The following N4BP2 variants were observed in gnomAD, a reference collection of about 807,000 sequenced individuals.
N4BP2 encodes NEDD4 binding protein 2, also known as NEDD4-binding protein 2.
In N4BP2, 91 loss-of-function variants were observed where a neutral mutation model predicts 152.8. The ratio of observed to expected loss-of-function variants is 0.60; its 90% CI spans 0.50 to 0.71. The LOEUF is 0.71. Among genes scored for constraint, N4BP2 ranks in the 30% least tolerant of loss-of-function variants. N4BP2 has a pLI of 0.00. For missense variants in N4BP2, 1,923 were observed against 2,059.1 expected (o/e 0.93, Z 1.28); for synonymous variants, 646 against 705.3 (o/e 0.92, Z 1.33).
chr4:40,075,251 A>T (rs1040117555), intron 2 of N4BP2, among the ~76,000 whole-genome samples: 2 of 152,222 alleles, frequency 1.3e-5, no homozygotes, highest in African/African-American at 4.8e-5. Context: ...CAAGACTAGT[A>T]CTGCAATAAG....
At chr4:40,105,031 T>C (rs913263928) in intron 4 of N4BP2, among the ~76,000 whole-genome samples, 69 of 152,220 alleles carry the variant, frequency 4.5e-4, no homozygotes, top group East Asian at 9.7e-4. Flanking sequence ...CTTGATCTCC[T>C]GACCTTGTGA....
chr4:40,136,380 A>ATCT (rs1332597434), intron 13 of N4BP2, among the ~76,000 whole-genome samples: 1 of 77,018 alleles, frequency 1.3e-5, no homozygotes, highest in African/African-American at 4.0e-5. Flanking sequence ...CTATCTATCT[A>ATCT]TCTATCTATC....
chr4:40,107,174 A>G (rs1579042179), intron 5 of N4BP2, 150 bp downstream of exon 5: 1 of 722,742 alleles, frequency 1.4e-6, no homozygotes. Context: ...ATCTTGGCTC[A>G]CTGCAGCCTT....
Position 40,154,313 on chromosome 4 carries a change from C to A in N4BP2, c.*76C>A. The A allele has an allele frequency of 1.1e-6, 1 of 893,800 alleles. No homozygotes were observed. The highest frequency in any genetic ancestry group is 1.7e-6 in the Non-Finnish European group (1 of 572,738). The allele number at this position is 893,800 out of a possible 1,614,324, so 55.4% of individuals were successfully genotyped here. A position where few individuals can be genotyped will look rare whatever the true frequency, so the allele number is the denominator to read the frequency against. On this transcript the variant is annotated 3_prime_UTR_variant, in exon 18 of 18. Transcript: ENST00000261435. ...TTTATTTGCAGTAATTCAGTCAATTCTACCCTAAAGATGTGTTTTATTATA... is the reference window on the plus strand; with the variant it reads ...TTTATTTGCAGTAATTCAGTCAATTATACCCTAAAGATGTGTTTTATTATA...
chr4:40,090,759 C>T lies in N4BP2; in HGVS notation c.-114-6468C>T, dbSNP rs1019044658. On this transcript the variant is annotated intron_variant, in intron 2 of 17. Transcript: ENST00000261435. ...ACCAGCCTGGTCAACATGGTGAAAC[C>T]CCATCTCTACTAAAAATACAAAAAT... Among the ~76,000 whole-genome samples, 4 of 151,750 alleles carry T rather than the reference C, an allele frequency of 2.6e-5. No homozygotes were observed. The South Asian group carries it at 8.3e-4, about 32-fold the overall frequency.
intron 1 of N4BP2, among the ~76,000 whole-genome samples, chr4:40,064,291 T>C (rs1733871755): frequency 6.6e-6 from 1 of 152,180 alleles, no homozygotes; most frequent in Non-Finnish European, 1.5e-5. Context: ...ATTGATTTAT[T>C]TGAGACAGAG....
At chr4:40,132,016 CA>C in intron 13 of N4BP2, 97 bp downstream of exon 13, 1 of 831,076 alleles carries the variant, frequency 1.2e-6, no homozygotes, top group Non-Finnish European at 2.0e-6. Context: ...TGTAAGTCTA[CA>C]GTAGTCTCTC....
chr4:40,126,319 A>T lies in N4BP2; in HGVS notation c.4516A>T (p.Lys1506Ter), dbSNP rs963926834. 2 of 1,514,792 alleles carry T rather than the reference A, an allele frequency of 1.3e-6. No homozygotes were observed. The highest frequency in any genetic ancestry group is 2.8e-5 in the African/African-American group (2 of 71,286). 93.8% of individuals were successfully genotyped at this position (1,514,792 alleles called of 1,614,324 possible). The change falls in exon 12 of 18, where the codon AAA becomes TAA. Residue 1506 changes from lysine (K) to a stop codon, truncating the protein, a stop_gained. Transcript: ENST00000261435. LOFTEE classifies it high-confidence loss of function. The part of the protein sequence containing the change: ...IMSEEIALQE[K>*]HNLKRETLMF... ...GTCAGAAGAAATTGCCTTACAGGAA[A>T]AACATAATTTGGTATGAATTAATAT...
At chr4:40,137,224 CTTATAA>C (rs1719489406) in intron 14 of N4BP2, 142 bp downstream of exon 14, 3 of 680,706 alleles carry the variant, frequency 4.4e-6, no homozygotes, top group Admixed American at 6.4e-5. Context: ...GCATATTTGG[CTTATAA>C]TATCTGTGCA....
intron 5 of N4BP2, among the ~76,000 whole-genome samples, chr4:40,111,856 T>C (rs561434408): frequency 9.1e-4 from 139 of 152,310 alleles, no homozygotes; most frequent in African/African-American, 3.2e-3. Context: ...CCTCAAGTGG[T>C]CTGCCCGCTT....
intron 2 of N4BP2, among the ~76,000 whole-genome samples, chr4:40,089,658 AAC>A (rs1201395842): frequency 6.6e-6 from 1 of 151,854 alleles, no homozygotes; most frequent in African/African-American, 2.4e-5. Context: ...GCTGGTCTTG[AAC>A]TCTTGAGCTC....
chr4:40,120,170 G>C lies in N4BP2; in HGVS notation c.2059G>C (p.Asp687His), dbSNP rs747997505. Residue 687 changes from aspartate to histidine, a missense_variant, in exon 9 of 18, where the codon GAC becomes CAC. Physicochemically the swap from Asp to His is moderately conservative, Grantham distance 81 (BLOSUM62 -1). Transcript: ENST00000261435. ...GGAAACTCCACACATGTATTTTTCT[G>C]ACTCTGAAAGCAAACTACAGGCAAC... ...ILETPHMYFSDSESKLQATDK... is the reference protein window; with the variant it reads ...ILETPHMYFSHSESKLQATDK... The C allele has an allele frequency of 3.7e-6, 6 of 1,613,136 alleles. No individual in the cohort carries two copies. In the African/African-American group the frequency reaches 8.0e-5, roughly 22 times the overall value.
chr4:40,126,176 A>G lies in N4BP2; in HGVS notation c.4373A>G (p.Gln1458Arg). 6.2e-7 allele frequency: 1 copy of G among 1,606,924 alleles called. No homozygotes were observed. The highest frequency in any genetic ancestry group is 8.5e-7 in the Non-Finnish European group (1 of 1,177,784). Residue 1458 changes from glutamine (Q) to arginine (R), a missense_variant, in exon 12 of 18, where the codon CAA (glutamine) becomes CGA (arginine). Gln to Arg is a conservative substitution (Grantham distance 43). Coordinates refer to ENST00000261435, the MANE Select transcript of N4BP2 (RefSeq NM_018177.6). The part of the protein sequence containing the change: ...VGHTGLDNPE[Q>R]KSSQRTGKKL... ...CATACTGGGCTTGATAATCCTGAAC[A>G]AAAATCATCTCAGAGAACAGGCAAA...
Position 40,097,561 on chromosome 4 carries a change from A to G in N4BP2, c.221A>G (p.Asp74Gly). The G allele has an allele frequency of 6.2e-7, 1 of 1,608,024 alleles. No individual in the cohort carries two copies. Among genetic ancestry groups the G allele is most frequent in the Non-Finnish European group, 8.5e-7 (1 of 1,174,802 alleles). Residue 74 changes from aspartate to glycine, a missense_variant, in exon 3 of 18, where the codon GAT (aspartate) becomes GGT (glycine). Coordinates refer to ENST00000261435, the MANE Select transcript of N4BP2 (RefSeq NM_018177.6). ...DVVYLMLSEC[D>G]FKVENAMDCL... ...GTGTATTTGATGCTTTCTGAATGTG[A>G]TTTCAAAGGTGAGAAAAAGTTTAGT...
At chr4:40,136,863 G>C in intron 13 of N4BP2, 81 bp from the exon 14 acceptor site, 1 of 1,035,528 alleles carries the variant, frequency 9.7e-7, no homozygotes, top group South Asian at 1.9e-5. Context: ...CTTGTAAGAT[G>C]TTTGAAGATT....
At chr4:40,180,443 CA>C in the N4BP2 span, among the ~76,000 whole-genome samples, 2 of 152,206 alleles carry the variant, frequency 1.3e-5, no homozygotes, top group African/African-American at 4.8e-5. Context: ...GATAGTTAGT[CA>C]CTCTCATACA....
Position 40,120,199 on chromosome 4 carries a change from C to T in N4BP2, c.2088C>T (p.Asp696=). 2 of 1,613,638 alleles carry T rather than the reference C, an allele frequency of 1.2e-6. No individual in the cohort carries two copies. The highest frequency in any genetic ancestry group is 1.7e-6 in the Non-Finnish European group (2 of 1,179,946). The change falls in exon 9 of 18, where the codon GAC becomes GAT. Residue 696 remains aspartate (D), a synonymous_variant. Coordinates refer to ENST00000261435, the MANE Select transcript of N4BP2 (RefSeq NM_018177.6). ...CTGAAAGCAAACTACAGGCAACAGA[C>T]AAAAGTGAAAACGAGCAAATAGAAA... ...SDSESKLQAT[D]KSENEQIEMV... is the part of the protein sequence containing the mutation.
In N4BP2 at chr4:40,120,985, T is replaced by C; in HGVS notation, c.2874T>C (p.Cys958=). Residue 958 remains cysteine, a synonymous_variant, in exon 9 of 18, where the codon TGT becomes TGC. Coordinates refer to ENST00000261435, the MANE Select transcript of N4BP2 (RefSeq NM_018177.6). ...AAATGCTGCTCAGTGAAATGACCTGTGAGAGTCAGACTTGTCTAAGTAAAA... is the reference window on the plus strand; with the variant it reads ...AAATGCTGCTCAGTGAAATGACCTGCGAGAGTCAGACTTGTCTAAGTAAAA... ...SSEMLLSEMT[C]ESQTCLSKKS... is the part of the protein sequence containing the mutation. 6.2e-7 allele frequency: 1 copy of C among 1,614,138 alleles called. No homozygotes were observed. The highest frequency in any genetic ancestry group is 8.5e-7 in the Non-Finnish European group (1 of 1,180,028).
At chr4:40,171,583 A>AAG in the N4BP2 span, among the ~76,000 whole-genome samples, 2,897 of 152,272 alleles carry the variant, frequency 0.019, 88 homozygotes, top group African/African-American at 0.065. Flanking sequence ...AATTGGAGGT[A>AAG]TTCTTTACAG....
Sources: gnomAD v4.1 joint callset for allele counts (sites outside exome capture counted in the v4.1 genomes callset) on GRCh38, gnomAD v4.1.1 for gene constraint, MANE v1.5 for transcripts, NCBI Gene and HGNC (gene_info 2026-07-23, HGNC 2026-07-21) for gene names.